Variants in SHISA9 observed in about 807,000 individuals in gnomAD.
The protein encoded by SHISA9 is protein shisa-9.
SHISA9 carries 13 observed loss-of-function variants against 38.0 expected under a neutral mutation model. That is an observed-to-expected ratio of 0.34 (90% confidence interval 0.22 to 0.54). The LOEUF is 0.54. Among genes scored for constraint, SHISA9 ranks in the 20% least tolerant of loss-of-function variants. The probability of loss-of-function intolerance (pLI) is 0.91; values close to 1 mark genes in which losing one functional copy is unlikely to be tolerated. For synonymous variants in SHISA9, 275 were observed against 242.0 expected, an observed-to-expected ratio of 1.14 and a Z score of -1.27; for missense variants, 538 against 575.8, an observed-to-expected ratio of 0.93 and a Z score of 0.67.
chr16:13,449,453 G>A, the SHISA9 span, among the ~76,000 whole-genome samples: 1 of 152,118 alleles, frequency 6.6e-6, no homozygotes, highest in Non-Finnish European at 1.5e-5. Flanking sequence ...GGGGGTAAGG[G>A]GAAGCTATTG....
the SHISA9 span, among the ~76,000 whole-genome samples, chr16:13,253,301 G>A: frequency 7.9e-5 from 12 of 152,092 alleles, no homozygotes; most frequent in Non-Finnish European, 1.3e-4. Flanking sequence ...CAACTGTATC[G>A]TGAGGCTGAG....
the SHISA9 span, among the ~76,000 whole-genome samples, chr16:13,298,733 G>A: frequency 6.6e-6 from 1 of 152,190 alleles, no homozygotes; most frequent in South Asian, 2.1e-4. Context: ...GCGAAACCCT[G>A]AAATGCAGCC....
intron 4 of SHISA9, among the ~76,000 whole-genome samples, chr16:13,233,515 T>C (rs934050168): frequency 1.3e-5 from 2 of 152,234 alleles, no homozygotes; most frequent in Non-Finnish European, 2.9e-5. Context: ...GGGTAGTAAA[T>C]ATCTCAGGCT....
chr16:13,464,470 T>C, the SHISA9 span, among the ~76,000 whole-genome samples: 5 of 152,232 alleles, frequency 3.3e-5, no homozygotes, highest in Non-Finnish European at 7.3e-5. Context: ...TCAGCCTAAG[T>C]GCTCAGATGC....
At chr16:13,499,373 G>A in the SHISA9 span, among the ~76,000 whole-genome samples, 4 of 152,116 alleles carry the variant, frequency 2.6e-5, no homozygotes, top group South Asian at 2.1e-4. Context: ...TTCTAAAAGC[G>A]GTGCTCTGTA....
chr16:13,260,116 A>T, the SHISA9 span, among the ~76,000 whole-genome samples: 17 of 134,370 alleles, frequency 1.3e-4, no homozygotes, highest in African/African-American at 4.3e-4. Flanking sequence ...TCCTGGGTTC[A>T]TGCCATTCTC....
the SHISA9 span, among the ~76,000 whole-genome samples, chr16:13,435,812 T>C: frequency 3.9e-5 from 6 of 152,150 alleles, no homozygotes; most frequent in Non-Finnish European, 8.8e-5. Context: ...GGGGTACTTC[T>C]GGGATAGGAA....
chr16:13,323,269 T>C, the SHISA9 span, among the ~76,000 whole-genome samples: 2 of 152,340 alleles, frequency 1.3e-5, no homozygotes, highest in East Asian at 1.9e-4. Flanking sequence ...AATATTGTGC[T>C]TGGTCTCATG....
At chr16:12,933,077 G>A (rs528964350) in intron 2 of SHISA9, among the ~76,000 whole-genome samples, 1 of 152,284 alleles carries the variant, frequency 6.6e-6, no homozygotes, top group South Asian at 2.1e-4. Flanking sequence ...AATACGTAGT[G>A]CCTAACATAT....
At chr16:13,174,899 C>T (rs1291081658) in intron 2 of SHISA9, among the ~76,000 whole-genome samples, 1 of 152,154 alleles carries the variant, frequency 6.6e-6, no homozygotes, top group Non-Finnish European at 1.5e-5. Flanking sequence ...CCAGGTACTT[C>T]CTGAGCTTCC....
At chr16:13,346,191 C>T in the SHISA9 span, among the ~76,000 whole-genome samples, 56 of 152,154 alleles carry the variant, frequency 3.7e-4, no homozygotes, top group African/African-American at 1.3e-3. Flanking sequence ...TTTGGCTTCC[C>T]CTTCTAAGTG....
intron 2 of SHISA9, among the ~76,000 whole-genome samples, chr16:13,016,805 G>A (rs993796616): frequency 6.6e-6 from 1 of 152,156 alleles, no homozygotes; most frequent in Non-Finnish European, 1.5e-5. Context: ...GAAAATCAGG[G>A]ACATGTTGTT....
the SHISA9 span, among the ~76,000 whole-genome samples, chr16:13,281,434 A>T: frequency 6.6e-6 from 1 of 151,790 alleles, no homozygotes; most frequent in Non-Finnish European, 1.5e-5. Context: ...TTCAGATAGT[A>T]TGATGACTTC....
intron 1 of SHISA9, among the ~76,000 whole-genome samples, chr16:12,915,438 C>T (rs2071241126): frequency 6.6e-6 from 1 of 152,182 alleles, no homozygotes; most frequent in Non-Finnish European, 1.5e-5. Flanking sequence ...GAGCAAGACC[C>T]TATCTGAAGA....
chr16:13,324,761 A>G, the SHISA9 span, among the ~76,000 whole-genome samples: 1 of 152,330 alleles, frequency 6.6e-6, no homozygotes, highest in African/African-American at 2.4e-5. Context: ...AGGTTCTGAG[A>G]ACATGTGCCT....
At chr16:13,116,275 T>A (rs757002407) in intron 2 of SHISA9, among the ~76,000 whole-genome samples, 2 of 152,194 alleles carry the variant, frequency 1.3e-5, no homozygotes, top group South Asian at 2.1e-4. Flanking sequence ...GTGGGACATA[T>A]ATGATACAGC....
chr16:13,130,079 A>G (rs1016810419), intron 2 of SHISA9, among the ~76,000 whole-genome samples: 6 of 152,268 alleles, frequency 3.9e-5, no homozygotes, highest in Admixed American at 1.3e-4. Context: ...TTCTTCCTCA[A>G]GATCTATTTC....
At chr16:13,024,436 G>T (rs961648926) in intron 2 of SHISA9, among the ~76,000 whole-genome samples, 4 of 152,232 alleles carry the variant, frequency 2.6e-5, no homozygotes, top group African/African-American at 9.6e-5. Flanking sequence ...GACAGATTTT[G>T]GCTGGTTCAG....
chr16:13,356,092 A>C, the SHISA9 span, among the ~76,000 whole-genome samples: 1 of 152,064 alleles, frequency 6.6e-6, no homozygotes, highest in Admixed American at 6.5e-5. Context: ...AGGCGTTTGG[A>C]AGTTCTTGTG....
Sources: gnomAD v4.1 joint callset for allele counts (sites outside exome capture counted in the v4.1 genomes callset) on GRCh38, gnomAD v4.1.1 for gene constraint, MANE v1.5 for transcripts, NCBI Gene and HGNC (gene_info 2026-07-23, HGNC 2026-07-21) for gene names.